The following PHLPP1 variants were observed in gnomAD, a reference collection of about 807,000 sequenced individuals.
The protein encoded by PHLPP1 is PH domain and leucine rich repeat protein phosphatase 1.
In PHLPP1, 42 loss-of-function variants were observed where a neutral mutation model predicts 117.2. The ratio of observed to expected loss-of-function variants is 0.36; its 90% CI spans 0.28 to 0.46. The LOEUF (loss-of-function observed/expected upper bound fraction) is 0.46. Among genes scored for constraint, PHLPP1 ranks in the 20% least tolerant of loss-of-function variants. The probability of loss-of-function intolerance (pLI) is 1.00; values close to 1 mark genes in which losing one functional copy is unlikely to be tolerated. For missense variants in PHLPP1, 2,084 were observed against 2,241.9 expected, an observed-to-expected ratio of 0.93 and a Z score of 1.42; for synonymous variants, 1,042 against 970.7, an observed-to-expected ratio of 1.07 and a Z score of -1.37.
chr18:62,953,362 G>A (rs1372464394), intron 12 of PHLPP1, among the ~76,000 whole-genome samples: 2 of 152,056 alleles, frequency 1.3e-5, no homozygotes, highest in African/African-American at 4.8e-5. Context: ...CCACACAAAC[G>A]TTATTCTTGT....
rs1911300060 is a variant in PHLPP1 at position 62,979,213 on chromosome 18, C to T, written c.4936C>T (p.Arg1646Ter). The T allele has an allele frequency of 6.2e-7, 1 of 1,610,788 alleles. No individual in the cohort carries two copies. The highest frequency in any genetic ancestry group is 8.5e-7 in the Non-Finnish European group (1 of 1,178,490). ...AGAGGTGGCTACAGACGCACCTCTT[C>T]GAAAGCCTGGAGGCTATTTTGCTGC... ...VIEVATDAPLRKPGGYFAAPA... is the reference protein window; with the variant it reads ...VIEVATDAPL The change falls in exon 17 of 17, where the codon CGA (arginine) becomes TGA (stop). Residue 1646 changes from arginine to a stop codon, truncating the protein, a stop_gained. Transcript: ENST00000262719. LOFTEE classifies it low-confidence loss of function (END_TRUNC).
intron 14 of PHLPP1, among the ~76,000 whole-genome samples, chr18:62,971,955 G>A (rs567927082): frequency 1.3e-5 from 2 of 152,114 alleles, no homozygotes; most frequent in East Asian, 3.9e-4. Context: ...AGAATCGCTT[G>A]AGCCCTAGAA....
chr18:62,946,795 G>C (rs1910300578), intron 12 of PHLPP1, among the ~76,000 whole-genome samples: 1 of 151,926 alleles, frequency 6.6e-6, no homozygotes, highest in Non-Finnish European at 1.5e-5. Flanking sequence ...GGCTCACGCC[G>C]GTAATCCCAG....
chr18:62,736,618 G>A (rs995271678), intron 1 of PHLPP1, among the ~76,000 whole-genome samples: 1 of 152,180 alleles, frequency 6.6e-6, no homozygotes, highest in African/African-American at 2.4e-5. Context: ...AGGAGTTGGC[G>A]ACATAATGAA....
At chr18:62,896,326 C>T (rs1177166555) in intron 6 of PHLPP1, among the ~76,000 whole-genome samples, 12 of 146,770 alleles carry the variant, frequency 8.2e-5, no homozygotes, top group Admixed American at 8.1e-4. Flanking sequence ...AAGTCTCGCT[C>T]TGTCGCCCAG....
At chr18:62,931,415 G>A (rs908348021) in intron 10 of PHLPP1, among the ~76,000 whole-genome samples, 7 of 151,828 alleles carry the variant, frequency 4.6e-5, no homozygotes, top group Admixed American at 2.6e-4. Flanking sequence ...ACAACTAATT[G>A]TTGGACCTAA....
intron 4 of PHLPP1, among the ~76,000 whole-genome samples, chr18:62,860,870 T>C (rs999550409): frequency 6.6e-6 from 1 of 152,242 alleles, no homozygotes; most frequent in Non-Finnish European, 1.5e-5. Context: ...AAACAACTTT[T>C]ATTCCTATCT....
At chr18:62,835,776 C>CT (rs747058557) in intron 2 of PHLPP1, among the ~76,000 whole-genome samples, 2,411 of 94,514 alleles carry the variant, frequency 0.026, 91 homozygotes, top group Middle Eastern at 0.052. Flanking sequence ...TCAACTGGTT[C>CT]TTTTTTTTTT....
intron 10 of PHLPP1, among the ~76,000 whole-genome samples, chr18:62,929,735 G>A (rs1326272606): frequency 6.6e-6 from 1 of 152,132 alleles, no homozygotes; most frequent in Non-Finnish European, 1.5e-5. Context: ...ATAGCTTGAG[G>A]TTAGGAGTTT....
At chr18:62,753,131 G>C (rs564485028) in intron 1 of PHLPP1, among the ~76,000 whole-genome samples, 1 of 152,222 alleles carries the variant, frequency 6.6e-6, no homozygotes, top group Non-Finnish European at 1.5e-5. Context: ...TGCATTGAGA[G>C]AAATAGTGCA....
chr18:62,900,423 CTTTTTCTTTCTTTTTTT>C (rs1916686559), intron 6 of PHLPP1, among the ~76,000 whole-genome samples: 1 of 100,050 alleles, frequency 1.0e-5, no homozygotes, highest in Non-Finnish European at 2.0e-5. Flanking sequence ...CTTGTTTTTT[CTTTTTCTTTCTTTTTTT>C]TTTTTTTTTT....
intron 1 of PHLPP1, among the ~76,000 whole-genome samples, chr18:62,817,682 A>G (rs1453200305): frequency 2.0e-5 from 3 of 152,148 alleles, no homozygotes; most frequent in Non-Finnish European, 4.4e-5. Flanking sequence ...GGCTGAAAAA[A>G]TATCAAATTT....
chr18:62,878,093 G>A (rs1015323391), intron 4 of PHLPP1, among the ~76,000 whole-genome samples: 9 of 152,138 alleles, frequency 5.9e-5, no homozygotes, highest in African/African-American at 1.4e-4. Flanking sequence ...GCTCTTTGCC[G>A]TATTCTCTGA....
At chr18:62,856,326 T>C (rs1915497541) in intron 3 of PHLPP1, among the ~76,000 whole-genome samples, 1 of 152,188 alleles carries the variant, frequency 6.6e-6, no homozygotes, top group Non-Finnish European at 1.5e-5. Context: ...CCACAGGATC[T>C]GCTGCTTACC....
At chr18:62,837,764 G>T (rs12954480) in intron 2 of PHLPP1, 3 of 150,480 alleles carry the variant, frequency 2.0e-5, no homozygotes, top group African/African-American at 4.9e-5. Flanking sequence ...GGGTTTAAGC[G>T]ATCCTCCCAC....
intron 4 of PHLPP1, among the ~76,000 whole-genome samples, chr18:62,863,146 G>A (rs988489236): frequency 6.6e-6 from 1 of 151,668 alleles, no homozygotes; most frequent in Admixed American, 6.6e-5. Context: ...AGGGCTGCTG[G>A]TTGGCTACTT....
intron 4 of PHLPP1, among the ~76,000 whole-genome samples, chr18:62,875,932 C>A (rs961666262): frequency 2.0e-5 from 3 of 151,886 alleles, no homozygotes; most frequent in African/African-American, 7.3e-5. Flanking sequence ...GGGGTTTCAC[C>A]ATGTTGGCCA....
In PHLPP1 at chr18:62,979,383, G is replaced by T. The variant is rs1911309505; in HGVS notation, c.5106G>T (p.Arg1702=). Residue 1702 remains arginine, a synonymous_variant, in exon 17 of 17, where the codon CGG becomes CGT. Coordinates refer to ENST00000262719, the MANE Select transcript of PHLPP1 (RefSeq NM_194449.4). The part of the protein sequence containing the change: ...PPPQLQPQLP[R]HYQLDQLPDY... Reference sequence around the variant, plus strand: ...CTCAGCTCCAGCCGCAGCTGCCGCGGCACTACCAGCTGGACCAGCTGCCAG... The same window carrying T: ...CTCAGCTCCAGCCGCAGCTGCCGCGTCACTACCAGCTGGACCAGCTGCCAG... 2 of 1,551,242 alleles carry T rather than the reference G, an allele frequency of 1.3e-6. No homozygotes were observed. The highest frequency in any genetic ancestry group is 1.7e-6 in the Non-Finnish European group (2 of 1,146,550).
In PHLPP1 at chr18:62,804,294, G is replaced by A. The variant is rs530404791; in HGVS notation, c.1577-25741G>A. 8.5e-5 allele frequency among the ~76,000 whole-genome samples: 13 copies of A among 152,260 alleles called. No individual in the cohort carries two copies. The East Asian group carries it at 2.5e-3, about 29-fold the overall frequency. On this transcript the variant is annotated intron_variant, in intron 1 of 16. Transcript: ENST00000262719. ...TCCCATCAGGTCCCTCCCCTGACAC[G>A]TAAGGGTTACGATTTATGATGAGAT...
Sources: gnomAD v4.1 joint callset for allele counts (sites outside exome capture counted in the v4.1 genomes callset) on GRCh38, gnomAD v4.1.1 for gene constraint, MANE v1.5 for transcripts, NCBI Gene and HGNC (gene_info 2026-07-23, HGNC 2026-07-21) for gene names.